Variants in RAB11FIP5 observed in about 807,000 individuals in gnomAD.
RAB11FIP5 encodes the protein RAB11 family interacting protein 5, also known as rab11 family-interacting protein 5.
A neutral mutation model predicts 85.1 loss-of-function variants in RAB11FIP5; 48 were observed. That is an observed-to-expected ratio of 0.56 (90% CI 0.45 to 0.72). The LOEUF is 0.72. Among genes scored for constraint, RAB11FIP5 ranks in the 30% least tolerant of loss-of-function variants. RAB11FIP5 has a pLI of 0.00. For missense variants in RAB11FIP5, 1,491 were observed against 1,687.0 expected, an observed-to-expected ratio of 0.88 and a Z score of 2.04; for synonymous variants, 729 against 727.3, an observed-to-expected ratio of 1.00 and a Z score of -0.04.
rs1001425698 is a variant in RAB11FIP5, at chr2:73,081,198, C to G, written c.2034G>C (p.Ala678=). Residue 678 remains alanine (A), a synonymous_variant, in exon 4 of 6, where the codon GCG becomes GCC. Transcript: ENST00000486777. This position sits in a 1 kb window ranked among gnomAD's most constrained non-coding sequence, Gnocchi z 4.2. ...CAGGGCCTGGGTCTTGCAGCCCTGC[C>G]GCCTCCAGCCCCACTCCTGCAGGGG... ...ILAPAGVGLE[A]AGLQDPGPGA... The G allele has an allele frequency of 1.6e-6, 2 of 1,232,182 alleles. No individual in the cohort carries two copies. The highest frequency in any genetic ancestry group is 2.0e-6 in the Non-Finnish European group (2 of 988,166). The allele number at this position is 1,232,182 out of a possible 1,614,324, so 76.3% of individuals were successfully genotyped here.
rs754245409 is a variant in RAB11FIP5, at chr2:73,089,049, C to G, written c.698G>C (p.Gly233Ala). Residue 233 changes from glycine (G) to alanine (A), a missense_variant, in exon 2 of 6, where the codon GGC becomes GCC. Transcript: ENST00000486777. The surrounding 1 kb of genome is among the most constrained non-coding windows in gnomAD (Gnocchi z 4.6). Reference protein sequence around the residue: ...GSLGKMGKAKGFFLRNKLRKS... With the variant: ...GSLGKMGKAKAFFLRNKLRKS... ...GCGCAGCTTGTTGCGGAGGAAGAAG[C>G]CTTTGGCTTTGCCCATCTTGCCCAG... is the stretch of plus-strand genomic sequence containing the variant. 2.5e-6 allele frequency: 4 copies of G among 1,614,204 alleles called. No individual in the cohort carries two copies. The highest frequency in any genetic ancestry group is 3.4e-6 in the Non-Finnish European group (4 of 1,180,034).
rs552974447 is a variant in RAB11FIP5, at chr2:73,076,527, C to G, written c.3582-345G>C. On this transcript the variant is annotated intron_variant, in intron 4 of 5. Coordinates refer to ENST00000486777, the MANE Select transcript of RAB11FIP5 (RefSeq NM_001371272.1). ...GGACACCCTCCCCCAGCCATCTTCC[C>G]TCCTTTCTCTTCTATACTGTAACCT... Among the ~76,000 whole-genome samples, 49 of 152,284 alleles carry G rather than the reference C, an allele frequency of 3.2e-4. No individual in the cohort carries two copies. The South Asian group carries it at 9.7e-3, about 30-fold the overall frequency.
chr2:73,080,564 C>T lies in RAB11FIP5; in HGVS notation c.2668G>A (p.Val890Met). The part of the protein sequence containing the change: ...PPEPEPKPEW[V>M]SDKGLQPSTP... ...CTGGGCTGCAGCCCCTTGTCAGACA[C>T]CCACTCGGGTTTAGGCTCGGGCTCC... The change falls in exon 4 of 6, where the codon GTG (valine) becomes ATG (methionine). Residue 890 changes from valine (V) to methionine (M), a missense_variant. Val to Met is a conservative substitution (Grantham distance 21). Coordinates refer to ENST00000486777, the MANE Select transcript of RAB11FIP5 (RefSeq NM_001371272.1). The T allele has an allele frequency of 8.1e-7, 1 of 1,232,476 alleles. No homozygotes were observed. The highest frequency in any genetic ancestry group is 1.0e-6 in the Non-Finnish European group (1 of 988,092). The allele number at this position is 1,232,476 out of a possible 1,614,324, so 76.3% of individuals were successfully genotyped here.
chr2:73,099,668 C>T (rs1170779260), intron 1 of RAB11FIP5, among the ~76,000 whole-genome samples: 1 of 152,244 alleles, frequency 6.6e-6, no homozygotes, highest in African/African-American at 2.4e-5. Flanking sequence ...TGAAAGGTGA[C>T]TCCAGAGAAA....
In RAB11FIP5 at chr2:73,075,764, G is replaced by A; in HGVS notation, c.3772-40C>T. On this transcript the variant is annotated intron_variant, in intron 5 of 5. Coordinates refer to ENST00000486777, the MANE Select transcript of RAB11FIP5 (RefSeq NM_001371272.1). This position sits in a 1 kb window ranked among gnomAD's most constrained non-coding sequence, Gnocchi z 4.6. Reference sequence around the variant, plus strand: ...AAGACAGTGAGCAGGGCAGCCCTAGGCCTGCCTGCCTGCCTGCCCGCTTGC... The same window carrying A: ...AAGACAGTGAGCAGGGCAGCCCTAGACCTGCCTGCCTGCCTGCCCGCTTGC... The A allele has an allele frequency of 7.0e-7, 1 of 1,434,702 alleles. No individual in the cohort carries two copies. The highest frequency in any genetic ancestry group is 9.1e-7 in the Non-Finnish European group (1 of 1,097,226). The allele number at this position is 1,434,702 out of a possible 1,614,324, so 88.9% of individuals were successfully genotyped here. A position where few individuals can be genotyped will look rare whatever the true frequency, so the allele number is the denominator to read the frequency against.
At position 73,074,374 on chromosome 2, in the gene RAB11FIP5, A is replaced by T. The variant is rs1683807505; in HGVS notation, c.*1147T>A. The T allele has an allele frequency of 6.6e-6, 1 of 152,492 alleles. No individual in the cohort carries two copies. Among genetic ancestry groups the T allele is most frequent in the Admixed American group, 6.5e-5 (1 of 15,300 alleles). 9.4% of individuals were successfully genotyped at this position (152,492 alleles called of 1,614,324 possible). On this transcript the variant is annotated 3_prime_UTR_variant, in exon 6 of 6. Coordinates refer to ENST00000486777, the MANE Select transcript of RAB11FIP5 (RefSeq NM_001371272.1). ...CCTGCCCGCCTGCCCAGCAGTGTTT[A>T]TCCTGGGATCCTCCTATTGGGGTTG...
chr2:73,094,508 C>A (rs1574300538), intron 1 of RAB11FIP5, among the ~76,000 whole-genome samples: 1 of 152,204 alleles, frequency 6.6e-6, no homozygotes. Context: ...TAAATCCACC[C>A]AAGACGCCAC....
rs2106104559 is a variant in RAB11FIP5, at chr2:73,081,573, AG to A, written c.1658del (p.Pro553LeufsTer9). 1 of 1,203,398 alleles carries A rather than the reference AG, an allele frequency of 8.3e-7. No homozygotes were observed. The highest frequency in any genetic ancestry group is 1.0e-6 in the Non-Finnish European group (1 of 961,894). 74.5% of individuals were successfully genotyped at this position (1,203,398 alleles called of 1,614,324 possible). A position where few individuals can be genotyped will look rare whatever the true frequency, so the allele number is the denominator to read the frequency against. On this transcript the variant is annotated frameshift_variant, in exon 4 of 6. Transcript: ENST00000486777. LOFTEE classifies it high-confidence loss of function. The surrounding 1 kb of genome is among the most constrained non-coding windows in gnomAD (Gnocchi z 4.2). ...CSPWAPAPPT[P>X]APTAAPMLST... ...TTAGCATGGGAGCAGCAGTGGGAGC[AG>A]GAGTGGGAGGGGCCGGAGCCCAGGG... is the stretch of plus-strand genomic sequence containing the variant.
At position 73,081,751 on chromosome 2, in the gene RAB11FIP5, G is replaced by C. The variant is rs1188024377; in HGVS notation, c.1569-88C>G. 7 of 1,144,188 alleles carry C rather than the reference G, an allele frequency of 6.1e-6. No homozygotes were observed. Among genetic ancestry groups the C allele is most frequent in the Non-Finnish European group, 7.7e-6 (7 of 908,476 alleles). The allele number at this position is 1,144,188 out of a possible 1,614,324, so 70.9% of individuals were successfully genotyped here. ...TCCCACGCCCCACCCCCTGCTTCGG[G>C]ACCAGGGGCCATAACACACACATAG... On this transcript the variant is annotated intron_variant, in intron 3 of 5. Coordinates refer to ENST00000486777, the MANE Select transcript of RAB11FIP5 (RefSeq NM_001371272.1). This position sits in a 1 kb window ranked among gnomAD's most constrained non-coding sequence, Gnocchi z 4.2.
Position 73,081,472 on chromosome 2 carries a change from G to T in RAB11FIP5, c.1760C>A (p.Ala587Asp), listed in dbSNP as rs1252229474. The change falls in exon 4 of 6, where the codon GCC (alanine) becomes GAC (aspartate). Residue 587 changes from alanine (A) to aspartate (D), a missense_variant. By Grantham distance (126) the Ala-to-Asp change is moderately radical (BLOSUM62 -2). Coordinates refer to ENST00000486777, the MANE Select transcript of RAB11FIP5 (RefSeq NM_001371272.1). The surrounding 1 kb of genome is among the most constrained non-coding windows in gnomAD (Gnocchi z 4.2). ...AAGACCCAATAATCCAGGTGGGGTG[G>T]CTTCAGGGGCGGCGGTGGTGGCGGC... is the stretch of plus-strand genomic sequence containing the variant. ...AAAATTAAPE[A>D]TPPGLLGLTN... The T allele has an allele frequency of 6.5e-6, 8 of 1,234,158 alleles. No individual in the cohort carries two copies. In the Admixed American group the frequency reaches 3.0e-4, roughly 46 times the overall value. The allele number at this position is 1,234,158 out of a possible 1,614,324, so 76.5% of individuals were successfully genotyped here.
rs1574294071 is a variant in RAB11FIP5, at chr2:73,081,491, T to C, written c.1741A>G (p.Thr581Ala). Residue 581 changes from threonine to alanine, a missense_variant, in exon 4 of 6, where the codon ACC becomes GCC. Transcript: ENST00000486777. The surrounding 1 kb of genome is among the most constrained non-coding windows in gnomAD (Gnocchi z 4.2). ...PAAATAAAAA[T>A]TAAPEATPPG... is the part of the protein sequence containing the mutation. The stretch of plus-strand genomic sequence containing the variant: ...GGGGTGGCTTCAGGGGCGGCGGTGG[T>C]GGCGGCAGCGGCAGCAGTGGCAGCA... 5 of 1,234,162 alleles carry C rather than the reference T, an allele frequency of 4.1e-6. No individual in the cohort carries two copies. The highest frequency in any genetic ancestry group is 3.1e-5 in the East Asian group (1 of 31,770). The allele number at this position is 1,234,162 out of a possible 1,614,324, so 76.5% of individuals were successfully genotyped here. A position where few individuals can be genotyped will look rare whatever the true frequency, so the allele number is the denominator to read the frequency against.
intron 1 of RAB11FIP5, among the ~76,000 whole-genome samples, chr2:73,093,539 C>A (rs1684259390): frequency 1.3e-5 from 2 of 152,200 alleles, no homozygotes; most frequent in South Asian, 4.1e-4. Flanking sequence ...CCTGCAGGGC[C>A]CTCTCTCAGC....
chr2:73,109,496 G>A (rs974395736), intron 1 of RAB11FIP5, among the ~76,000 whole-genome samples: 6 of 152,208 alleles, frequency 3.9e-5, no homozygotes, highest in African/African-American at 1.4e-4. Flanking sequence ...TAACCTGTCT[G>A]CTGGTAAGTC....
At position 73,075,983 on chromosome 2, in the gene RAB11FIP5, T is replaced by C. The variant is rs552304710; in HGVS notation, c.3771+10A>G. ...CTGTCAGATGGCCCCCACACCCTGC[T>C]GGGCCTTACCTTCAGCCTTTTGGTG... On this transcript the variant is annotated intron_variant, in intron 5 of 5. Coordinates refer to ENST00000486777, the MANE Select transcript of RAB11FIP5 (RefSeq NM_001371272.1). This position sits in a 1 kb window ranked among gnomAD's most constrained non-coding sequence, Gnocchi z 4.6. The C allele has an allele frequency of 6.2e-7, 1 of 1,608,862 alleles. No individual in the cohort carries two copies. The highest frequency in any genetic ancestry group is 1.7e-5 in the Admixed American group (1 of 59,844).
rs1684176738 is a variant in RAB11FIP5 at position 73,089,911 on chromosome 2, ACAC to A, written c.432-599_432-597del. 7.2e-6 allele frequency among the ~76,000 whole-genome samples: 1 copy of A among 138,496 alleles called. No homozygotes were observed. Among genetic ancestry groups the A allele is most frequent in the South Asian group, 2.3e-4 (1 of 4,396 alleles). The allele number at this position is 138,496 out of a possible 152,430, so 90.9% of individuals were successfully genotyped here. ...CACACACACACACACACACACACAC[ACAC>A]ACCTCACTCACACACTGACTCACCC... On this transcript the variant is annotated intron_variant, in intron 1 of 5. Coordinates refer to ENST00000486777, the MANE Select transcript of RAB11FIP5 (RefSeq NM_001371272.1). This position sits in a 1 kb window ranked among gnomAD's most constrained non-coding sequence, Gnocchi z 4.6.
At chr2:73,107,017 G>C (rs1453039713) in intron 1 of RAB11FIP5, among the ~76,000 whole-genome samples, 1 of 152,138 alleles carries the variant, frequency 6.6e-6, no homozygotes, top group Non-Finnish European at 1.5e-5. Flanking sequence ...GGCCTCATGT[G>C]GCCAGCCAAG....
chr2:73,080,435 C>T lies in RAB11FIP5; in HGVS notation c.2797G>A (p.Glu933Lys), dbSNP rs114626386. The change falls in exon 4 of 6, where the codon GAG becomes AAG. Residue 933 changes from glutamate (E) to lysine (K), a missense_variant. This residue lies in a region of RAB11FIP5 where 1,211 missense variants were observed against 1,338.0 expected (regional missense o/e 0.91). Transcript: ENST00000486777. Reference sequence around the variant, plus strand: ...GCACTTGGGGAGGCATCTTCTCCCTCTGTCTCCGGCCCCCTGTTACTCAGC... The same window carrying T: ...GCACTTGGGGAGGCATCTTCTCCCTTTGTCTCCGGCCCCCTGTTACTCAGC... ...VGLSNRGPET[E>K]GEDASPSALV... is the part of the protein sequence containing the mutation. The T allele has an allele frequency of 1.6e-3, 1,922 of 1,233,566 alleles. 18 individuals are homozygous for T. The African/African-American group carries it at 0.02, about 13-fold the overall frequency. The allele number at this position is 1,233,566 out of a possible 1,614,324, so 76.4% of individuals were successfully genotyped here. A position where few individuals can be genotyped will look rare whatever the true frequency, so the allele number is the denominator to read the frequency against.
rs921432834 is a variant in RAB11FIP5 at position 73,089,980 on chromosome 2, A to G, written c.432-665T>C. ...ATACCTCTACAAGATGCAGGAACAGACAAGAATGGCAGAAAGAGACCCAGG... is the reference window on the plus strand; with the variant it reads ...ATACCTCTACAAGATGCAGGAACAGGCAAGAATGGCAGAAAGAGACCCAGG... On this transcript the variant is annotated intron_variant, in intron 1 of 5. Transcript: ENST00000486777. This position sits in a 1 kb window ranked among gnomAD's most constrained non-coding sequence, Gnocchi z 4.6. 6.6e-6 allele frequency among the ~76,000 whole-genome samples: 1 copy of G among 152,166 alleles called. No homozygotes were observed. Among genetic ancestry groups the G allele is most frequent in the African/African-American group, 2.4e-5 (1 of 41,428 alleles).
chr2:73,100,236 C>A (rs1054468512), intron 1 of RAB11FIP5, among the ~76,000 whole-genome samples: 1 of 152,126 alleles, frequency 6.6e-6, no homozygotes, highest in Admixed American at 6.5e-5. Context: ...TCATAATACT[C>A]CCTGCCCCGG....
Sources: allele counts gnomAD v4.1 joint callset (sites outside exome capture counted in the v4.1 genomes callset), GRCh38; gene constraint gnomAD v4.1.1; regional missense constraint gnomAD v4.1.1; non-coding constraint Gnocchi (gnomAD v3.1); transcripts MANE v1.5; gene names NCBI Gene and HGNC (gene_info 2026-07-23, HGNC 2026-07-21).